The following ZFHX3 variants were observed in gnomAD, a reference collection of about 807,000 sequenced individuals.
ZFHX3 encodes zinc finger homeobox protein 3.
A neutral mutation model predicts 279.1 loss-of-function variants in ZFHX3; 42 were observed. The ratio of observed to expected loss-of-function variants is 0.15; its 90% confidence interval spans 0.12 to 0.19. The LOEUF (loss-of-function observed/expected upper bound fraction) is 0.19, where lower values mean the gene tolerates loss of function less well. Among genes scored for constraint, ZFHX3 ranks in the 10% least tolerant of loss-of-function variants. The probability of loss-of-function intolerance (pLI) is 1.00; values close to 1 mark genes in which losing one functional copy is unlikely to be tolerated. For synonymous variants in ZFHX3, 2,293 were observed against 1,957.8 expected (o/e 1.17, Z -4.52); for missense variants, 4,981 against 4,754.0 (o/e 1.05, Z -1.40).
chr16:72,877,831 G>A (rs1212804479), intron 4 of ZFHX3, among the ~76,000 whole-genome samples: 2 of 152,194 alleles, frequency 1.3e-5, no homozygotes, highest in African/African-American at 2.4e-5. Context: ...GAGACATGGC[G>A]CCTCTATTTC....
chr16:73,197,924 GTTTTTTTTTTTTTTTTT>G (rs71156148), intron 5 of ZFHX3, among the ~76,000 whole-genome samples: 9 of 53,748 alleles, frequency 1.7e-4, no homozygotes, highest in Admixed American at 3.3e-4. Context: ...TGATTTGGTG[GTTTTTTTTTTTTTTTTT>G]TTTTTTTTTT....
intron 9 of ZFHX3, among the ~76,000 whole-genome samples, chr16:72,792,903 A>G (rs1022146484): frequency 6.6e-6 from 1 of 152,238 alleles, no homozygotes; most frequent in Non-Finnish European, 1.5e-5. Context: ...TTTACAACAA[A>G]TATCTAGACA....
At chr16:73,508,604 G>C (rs2019369021) in intron 2 of ZFHX3, among the ~76,000 whole-genome samples, 1 of 152,176 alleles carries the variant, frequency 6.6e-6, no homozygotes, top group Non-Finnish European at 1.5e-5. Context: ...AGTGGGAGCT[G>C]AACTTTGGAC....
chr16:73,472,268 T>TAAAAA (rs199783028), intron 2 of ZFHX3, among the ~76,000 whole-genome samples: 5 of 132,384 alleles, frequency 3.8e-5, no homozygotes, highest in East Asian at 2.4e-4. Context: ...TTTTAAATCT[T>TAAAAA]AAAAAAAAAA....
At position 73,271,435 on chromosome 16, in the gene ZFHX3, G is replaced by A. The variant is rs369907245; in HGVS notation, c.-1193-14299C>T. 2.0e-4 allele frequency among the ~76,000 whole-genome samples: 30 copies of A among 152,248 alleles called. 1 individual carries two copies. Among genetic ancestry groups the A allele is most frequent in the South Asian group, 1.2e-3 (6 of 4,832 alleles). ...CACTGGTGAAAGCCCAGGCTGCTCC[G>A]GAGGGGCAGCACAGCAAGCTGTCAA... On this transcript the variant is annotated intron_variant, in intron 4 of 17. Transcript: ENST00000641206.
chr16:73,759,383 T>A (rs1480852597), intron 1 of ZFHX3, among the ~76,000 whole-genome samples: 1 of 152,060 alleles, frequency 6.6e-6, no homozygotes, highest in Admixed American at 6.6e-5. Context: ...AAGTTGCACA[T>A]ATCACTTCTA....
intron 5 of ZFHX3, among the ~76,000 whole-genome samples, chr16:73,158,405 T>G (rs1297451551): frequency 6.6e-6 from 1 of 152,200 alleles, no homozygotes; most frequent in Admixed American, 6.5e-5. Context: ...TTTCTTTTCT[T>G]TCCTTTTCTT....
intron 3 of ZFHX3, among the ~76,000 whole-genome samples, chr16:72,890,846 T>G (rs558358191): frequency 2.6e-5 from 4 of 152,270 alleles, no homozygotes; most frequent in Non-Finnish European, 5.9e-5. Context: ...TGGATGTTTT[T>G]GAAACATCAG....
At chr16:73,799,044 C>T (rs1321605577) in intron 1 of ZFHX3, among the ~76,000 whole-genome samples, 1 of 152,122 alleles carries the variant, frequency 6.6e-6, no homozygotes, top group Non-Finnish European at 1.5e-5. Context: ...TGCCCCGAAC[C>T]TGATGTGTCT....
At chr16:72,990,401 C>T (rs1041527347) in intron 1 of ZFHX3, among the ~76,000 whole-genome samples, 1 of 152,148 alleles carries the variant, frequency 6.6e-6, no homozygotes, top group Non-Finnish European at 1.5e-5. Flanking sequence ...CACATCGTGC[C>T]CCTGCCTCCA....
intron 2 of ZFHX3, among the ~76,000 whole-genome samples, chr16:73,460,141 CT>C (rs1251395773): frequency 6.6e-6 from 1 of 152,312 alleles, no homozygotes; most frequent in Non-Finnish European, 1.5e-5. Flanking sequence ...CTCCTTAACC[CT>C]TGGCAACTAC....
intron 1 of ZFHX3, among the ~76,000 whole-genome samples, chr16:73,741,535 T>C (rs2053657754): frequency 6.6e-6 from 1 of 152,154 alleles, no homozygotes; most frequent in African/African-American, 2.4e-5. Flanking sequence ...GTTTTCTCTA[T>C]TGTACTTCAG....
intron 3 of ZFHX3, among the ~76,000 whole-genome samples, chr16:72,916,943 A>C (rs2039456628): frequency 6.6e-6 from 1 of 152,184 alleles, no homozygotes; most frequent in East Asian, 1.9e-4. Flanking sequence ...TCTAAGCTTA[A>C]CAAAGCAGAA....
chr16:72,923,578 C>G (rs1203300788), intron 3 of ZFHX3, among the ~76,000 whole-genome samples: 4 of 151,846 alleles, frequency 2.6e-5, no homozygotes, highest in Admixed American at 1.3e-4. Flanking sequence ...ATTTCCATGG[C>G]ACTGATATAG....
intron 2 of ZFHX3, among the ~76,000 whole-genome samples, chr16:73,591,466 G>A (rs2051995447): frequency 6.6e-6 from 1 of 151,846 alleles, no homozygotes; most frequent in African/African-American, 2.4e-5. Context: ...GGCCAAGACG[G>A]GTAGATCACG....
At chr16:73,244,451 G>T (rs1337698782) in intron 5 of ZFHX3, among the ~76,000 whole-genome samples, 1 of 152,180 alleles carries the variant, frequency 6.6e-6, no homozygotes, top group Non-Finnish European at 1.5e-5. Flanking sequence ...CTCTTCGAGG[G>T]ACAGGACATG....
intron 2 of ZFHX3, among the ~76,000 whole-genome samples, chr16:73,643,602 C>T (rs939717349): frequency 1.3e-5 from 2 of 152,230 alleles, no homozygotes; most frequent in Non-Finnish European, 2.9e-5. Flanking sequence ...CTGCTGAAGA[C>T]TGCTTCAAAA....
chr16:73,337,901 G>GGGGC lies in ZFHX3; in HGVS notation c.-1290-19566_-1290-19565insGCCC, dbSNP rs1407368977. Among the ~76,000 whole-genome samples the GGGGC allele has an allele frequency of 6.0e-5, 8 of 134,106 alleles. 2 individuals are homozygous for GGGGC. The highest frequency in any genetic ancestry group is 1.3e-4 in the Non-Finnish European group (8 of 61,584). 88.0% of individuals were successfully genotyped at this position (134,106 alleles called of 152,430 possible). ...CTTCATCTTCCCTTGGCGGGGGGGGGGGTCCTCATCCCCTTTTTATGCCCA... is the reference window on the plus strand; with the variant it reads ...CTTCATCTTCCCTTGGCGGGGGGGGGGGGCGGTCCTCATCCCCTTTTTATGCCCA... On this transcript the variant is annotated intron_variant, in intron 3 of 17. Coordinates refer to the ZFHX3 transcript ENST00000641206.
chr16:73,056,139 A>C (rs974918204), intron 1 of ZFHX3, among the ~76,000 whole-genome samples: 1 of 152,140 alleles, frequency 6.6e-6, no homozygotes, highest in Admixed American at 6.5e-5. Flanking sequence ...CCCAAACCGC[A>C]GTCTTTTCAA....
Sources: gnomAD v4.1 joint callset for allele counts (sites outside exome capture counted in the v4.1 genomes callset) on GRCh38, gnomAD v4.1.1 for gene constraint, MANE v1.5 for transcripts, NCBI Gene and HGNC (gene_info 2026-07-23, HGNC 2026-07-21) for gene names.